Variants in NPAT observed in about 807,000 individuals in gnomAD.
NPAT encodes protein NPAT.
In NPAT, 52 loss-of-function variants were observed where a neutral mutation model predicts 130.7. The observed-to-expected ratio is 0.40, with a 90% CI of 0.32 to 0.50. The LOEUF (loss-of-function observed/expected upper bound fraction) is 0.50. NPAT is among the 20% of genes least tolerant of loss of function. The probability of loss-of-function intolerance (pLI) is 0.68; values close to 1 mark genes in which losing one functional copy is unlikely to be tolerated. For synonymous variants in NPAT, 580 were observed against 584.8 expected (o/e 0.99, Z 0.12); for missense variants, 1,687 against 1,662.6 (o/e 1.01, Z -0.26).
chr11:108,205,015 C>A (rs1202977577), intron 1 of NPAT, among the ~76,000 whole-genome samples: 2 of 152,158 alleles, frequency 1.3e-5, no homozygotes, highest in Non-Finnish European at 2.9e-5. Flanking sequence ...TCAACAGTCT[C>A]TAAGTAGGAT....
Position 108,176,367 on chromosome 11 carries a change from T to C in NPAT, c.1011A>G (p.Thr337=). Residue 337 remains threonine, a synonymous_variant, in exon 12 of 18, where the codon ACA becomes ACG. Coordinates refer to ENST00000278612, the MANE Select transcript of NPAT (RefSeq NM_002519.3). ...TTTGTGATATATTTTTATTATTCTTTGTTTTGCCTGTTAAAAAGGGAATAT... is the reference window on the plus strand; with the variant it reads ...TTTGTGATATATTTTTATTATTCTTCGTTTTGCCTGTTAAAAAGGGAATAT... ...ALFDLFDYGK[T]KNNKNISQSI... 1.3e-6 allele frequency: 2 copies of C among 1,542,894 alleles called. No individual in the cohort carries two copies. The highest frequency in any genetic ancestry group is 1.1e-5 in the South Asian group (1 of 89,388).
intron 15 of NPAT, among the ~76,000 whole-genome samples, chr11:108,165,757 C>G (rs999167572): frequency 6.6e-6 from 1 of 151,846 alleles, no homozygotes; most frequent in Non-Finnish European, 1.5e-5. Context: ...CTTTAGTCTC[C>G]CGAATAGCTG....
chr11:108,172,843 TGAGAATCTCCCACTGAAGAACACACA>T lies in NPAT; in HGVS notation c.2115_2140del (p.Val706ProfsTer2). ...ATCATCAGTATTTTGGGACTCAGGG[TGAGAATCTCCCACTGAAGAACACACA>T]GATTCTGGAGGAAGAGAGTGACTGT... is the stretch of plus-strand genomic sequence containing the variant. On this transcript the variant is annotated frameshift_variant, in exon 13 of 18. Transcript: ENST00000278612. LOFTEE classifies it high-confidence loss of function. 1 of 1,613,968 alleles carries T rather than the reference TGAGAATCTCCCACTGAAGAACACACA, an allele frequency of 6.2e-7. No homozygotes were observed. The highest frequency in any genetic ancestry group is 8.5e-7 in the Non-Finnish European group (1 of 1,180,028).
chr11:108,197,249 T>A (rs2078231397), intron 2 of NPAT, 53 bp downstream of exon 2: 4 of 1,226,778 alleles, frequency 3.3e-6, no homozygotes, highest in Non-Finnish European at 1.2e-6. Flanking sequence ...TATGACTATG[T>A]TTTTAGTCTC....
chr11:108,201,910 A>G (rs2078278476), intron 1 of NPAT, among the ~76,000 whole-genome samples: 1 of 151,458 alleles, frequency 6.6e-6, no homozygotes. Context: ...CCTTGAAGAA[A>G]CCTCCTTAGA....
chr11:108,218,787 G>A (rs983700707), intron 1 of NPAT, among the ~76,000 whole-genome samples: 4 of 152,168 alleles, frequency 2.6e-5, no homozygotes, highest in African/African-American at 9.7e-5. Flanking sequence ...CATATTTGGG[G>A]AACATGTCCA....
chr11:108,161,624 T>A lies in NPAT; in HGVS notation c.3462A>T (p.Glu1154Asp). ...CTTTATGGAAAGATTCAAGCACAATTTCTGTTGGTGAAACTTTCTTTTCTG... is the reference window on the plus strand; with the variant it reads ...CTTTATGGAAAGATTCAAGCACAATATCTGTTGGTGAAACTTTCTTTTCTG... Reference protein sequence around the residue: ...TQSEKKVSPTEIVLESFHKAT... With the variant: ...TQSEKKVSPTDIVLESFHKAT... Residue 1154 changes from glutamate to aspartate, a missense_variant, in exon 17 of 18, where the codon GAA becomes GAT. Physicochemically the swap from Glu to Asp is conservative, Grantham distance 45. Coordinates refer to ENST00000278612, the MANE Select transcript of NPAT (RefSeq NM_002519.3). The A allele has an allele frequency of 6.2e-7, 1 of 1,614,134 alleles. No homozygotes were observed. The highest frequency in any genetic ancestry group is 8.5e-7 in the Non-Finnish European group (1 of 1,180,034).
At chr11:108,186,053 G>C (rs1005054169) in intron 8 of NPAT, among the ~76,000 whole-genome samples, 1 of 151,614 alleles carries the variant, frequency 6.6e-6, no homozygotes, top group African/African-American at 2.4e-5. Context: ...GTCTGACTCT[G>C]TCACCCAGGC....
intron 10 of NPAT, among the ~76,000 whole-genome samples, chr11:108,183,639 T>C (rs1180469696): frequency 2.0e-5 from 3 of 151,976 alleles, no homozygotes; most frequent in Non-Finnish European, 4.4e-5. Flanking sequence ...TAGTCTCTAC[T>C]AAAAATACAA....
chr11:108,171,063 A>G (rs896746965), intron 13 of NPAT: 1 of 152,102 alleles, frequency 6.6e-6, no homozygotes. Context: ...AGGCATATCA[A>G]TCACTAACTA....
In NPAT at chr11:108,221,437, T is replaced by G. The variant is rs144528314; in HGVS notation, c.37+1063A>C. On this transcript the variant is annotated intron_variant, in intron 1 of 17. Coordinates refer to ENST00000278612, the MANE Select transcript of NPAT (RefSeq NM_002519.3). Reference sequence around the variant, plus strand: ...GATTAATCAGACATTAACAAAACATTAAACTTGTCATTAAGTTTCTTCAAA... The same window carrying G: ...GATTAATCAGACATTAACAAAACATGAAACTTGTCATTAAGTTTCTTCAAA... Among the ~76,000 whole-genome samples the G allele has an allele frequency of 3.7e-4, 56 of 152,354 alleles. No homozygotes were observed. In the East Asian group the frequency reaches 0.011, roughly 29 times the overall value.
Position 108,201,664 on chromosome 11 carries a change from T to C in NPAT, c.38-4244A>G, listed in dbSNP as rs1056852189. 4.6e-5 allele frequency among the ~76,000 whole-genome samples: 7 copies of C among 152,220 alleles called. 1 individual carries two copies. Among genetic ancestry groups the C allele is most frequent in the Non-Finnish European group, 1.0e-4 (7 of 68,034 alleles). The stretch of plus-strand genomic sequence containing the variant: ...GTACCAGAGGCCACTAAGGTGACCA[T>C]GGGGTATAACGTAACCATTTATACT... On this transcript the variant is annotated intron_variant, in intron 1 of 17. Coordinates refer to ENST00000278612, the MANE Select transcript of NPAT (RefSeq NM_002519.3).
intron 10 of NPAT, among the ~76,000 whole-genome samples, chr11:108,181,787 C>T (rs2078060892): frequency 6.6e-6 from 1 of 151,916 alleles, no homozygotes; most frequent in Non-Finnish European, 1.5e-5. Context: ...GTGAGCTTCC[C>T]AGCATGTGAA....
Position 108,157,950 on chromosome 11 carries a change from A to C in NPAT, c.*992T>G, listed in dbSNP as rs2077811637. 6.6e-6 allele frequency: 1 copy of C among 152,558 alleles called. No individual in the cohort carries two copies. The highest frequency in any genetic ancestry group is 2.1e-4 in the South Asian group (1 of 4,832). The allele number at this position is 152,558 out of a possible 1,614,324, so 9.5% of individuals were successfully genotyped here. A position where few individuals can be genotyped will look rare whatever the true frequency, so the allele number is the denominator to read the frequency against. ...ACTATATCTAAGTATAGATATAGTT[A>C]TTTAACATACCCATTGTAGGAGAAA... On this transcript the variant is annotated 3_prime_UTR_variant, in exon 18 of 18. Transcript: ENST00000278612.
At position 108,157,536 on chromosome 11, in the gene NPAT, A is replaced by C. The variant is rs2077808265; in HGVS notation, c.*1406T>G. 6.6e-6 allele frequency: 1 copy of C among 152,116 alleles called. No individual in the cohort carries two copies. The highest frequency in any genetic ancestry group is 2.1e-4 in the South Asian group (1 of 4,828). 9.4% of individuals were successfully genotyped at this position (152,116 alleles called of 1,614,324 possible). A position where few individuals can be genotyped will look rare whatever the true frequency, so the allele number is the denominator to read the frequency against. On this transcript the variant is annotated 3_prime_UTR_variant, in exon 18 of 18. Coordinates refer to ENST00000278612, the MANE Select transcript of NPAT (RefSeq NM_002519.3). Reference sequence around the variant, plus strand: ...AATTTCTTACATCACAAGTTTTTGCAGTAAGGTTCAGCAATTAAGAAGACA... The same window carrying C: ...AATTTCTTACATCACAAGTTTTTGCCGTAAGGTTCAGCAATTAAGAAGACA...
intron 1 of NPAT, among the ~76,000 whole-genome samples, chr11:108,211,780 T>A (rs1463370010): frequency 1.3e-5 from 2 of 152,088 alleles, no homozygotes; most frequent in Admixed American, 1.3e-4. Flanking sequence ...GAGACCCCCA[T>A]CTCTGCAAAA....
intron 5 of NPAT, among the ~76,000 whole-genome samples, chr11:108,189,855 G>C (rs574328939): frequency 6.9e-6 from 1 of 144,678 alleles, no homozygotes; most frequent in Non-Finnish European, 1.5e-5. Flanking sequence ...GGGCGACAGA[G>C]CGAGACTCCG....
intron 1 of NPAT, among the ~76,000 whole-genome samples, chr11:108,215,528 TA>T (rs1048404446): frequency 3.9e-5 from 6 of 151,934 alleles, no homozygotes; most frequent in African/African-American, 7.3e-5. Flanking sequence ...ATTTAAAAGA[TA>T]AAAAAAAGAA....
At position 108,173,336 on chromosome 11, in the gene NPAT, A is replaced by G. The variant is rs2077972957; in HGVS notation, c.1648T>C (p.Phe550Leu). 1 of 1,613,082 alleles carries G rather than the reference A, an allele frequency of 6.2e-7. No individual in the cohort carries two copies. Among genetic ancestry groups the G allele is most frequent in the Middle Eastern group, 1.6e-4 (1 of 6,082 alleles). The change falls in exon 13 of 18, where the codon TTT becomes CTT. Residue 550 changes from phenylalanine (F) to leucine (L), a missense_variant. Physicochemically the swap from Phe to Leu is conservative, Grantham distance 22 (BLOSUM62 0). Coordinates refer to ENST00000278612, the MANE Select transcript of NPAT (RefSeq NM_002519.3). ...LTGKPSKKSQ[F>L]CENSNDTVKL... ...ACTGTATCATTAGAATTTTCACAAA[A>G]TTGACTTTTTTTAGATGGCTTTCCA...
Sources: gnomAD v4.1 joint callset for allele counts (sites outside exome capture counted in the v4.1 genomes callset) on GRCh38, gnomAD v4.1.1 for gene constraint, MANE v1.5 for transcripts, NCBI Gene and HGNC (gene_info 2026-07-23, HGNC 2026-07-21) for gene names.